The following CFAP61 variants were observed in gnomAD, a reference collection of about 807,000 sequenced individuals.
CFAP61 encodes the protein cilia- and flagella-associated protein 61.
A neutral mutation model predicts 135.6 loss-of-function variants in CFAP61; 107 were observed. That is an observed-to-expected ratio of 0.79 (90% CI 0.67 to 0.93). CFAP61 has a LOEUF of 0.93. CFAP61 is among the 40% of genes least tolerant of loss of function. The pLI is 0.00. For synonymous variants in CFAP61, 575 were observed against 578.5 expected (o/e 0.99, Z 0.09); for missense variants, 1,507 against 1,556.2 (o/e 0.97, Z 0.53).
At chr20:20,159,522 G>T (rs563536624) in intron 10 of CFAP61, 78 bp downstream of exon 10, 64 of 1,266,806 alleles carry the variant, frequency 5.1e-5, no homozygotes, top group Non-Finnish European at 7.3e-5. Flanking sequence ...GAGGATTTGT[G>T]CCCTTTCCTC....
chr20:20,328,233 T>G (rs2057839883), intron 25 of CFAP61, among the ~76,000 whole-genome samples: 1 of 152,086 alleles, frequency 6.6e-6, no homozygotes, highest in African/African-American at 2.4e-5. Flanking sequence ...ACATGCCAAT[T>G]CATGTTTTAA....
At chr20:20,322,675 T>C in intron 25 of CFAP61, 1 of 985,424 alleles carries the variant, frequency 1.0e-6, no homozygotes, top group East Asian at 1.1e-4. Flanking sequence ...GCAGAAACAG[T>C]TACCAAGAAA....
In CFAP61 at chr20:20,075,480, G is replaced by A. The variant is rs878886350; in HGVS notation, c.440-9G>A. The A allele has an allele frequency of 4.3e-6, 7 of 1,613,738 alleles. No individual in the cohort carries two copies. Among genetic ancestry groups the A allele is most frequent in the Non-Finnish European group, 5.9e-6 (7 of 1,179,716 alleles). Reference sequence around the variant, plus strand: ...AATAAGGACATGTTTCTTTATCTCTGTGATTTAGGCTCAACTCTCATAACT... The same window carrying A: ...AATAAGGACATGTTTCTTTATCTCTATGATTTAGGCTCAACTCTCATAACT... On this transcript the variant is annotated splice_polypyrimidine_tract_variant and intron_variant, in intron 5 of 26. Transcript: ENST00000245957.
chr20:20,323,521 G>T (rs2057621387), intron 25 of CFAP61: 1 of 160,946 alleles, frequency 6.2e-6, no homozygotes, highest in Non-Finnish European at 1.3e-5. Flanking sequence ...GACAGAAGTT[G>T]AAGAGTATTG....
chr20:20,333,865 C>T (rs901758701), intron 25 of CFAP61, among the ~76,000 whole-genome samples: 1 of 152,162 alleles, frequency 6.6e-6, no homozygotes, highest in Admixed American at 6.5e-5. Flanking sequence ...TAAAGGAAAA[C>T]TTGTGCTTGC....
intron 18 of CFAP61, among the ~76,000 whole-genome samples, chr20:20,240,589 C>T (rs555126801): frequency 7.3e-5 from 11 of 150,662 alleles, no homozygotes; most frequent in African/African-American, 2.4e-4. Flanking sequence ...TTTTTTTTGC[C>T]TGGATCCTGA....
At chr20:20,053,929 A>G (rs562993166) in intron 1 of CFAP61, among the ~76,000 whole-genome samples, 2 of 150,732 alleles carry the variant, frequency 1.3e-5, no homozygotes, top group Admixed American at 1.3e-4. Context: ...ATGCTAGAAT[A>G]CTTTGCTTCT....
intron 25 of CFAP61, among the ~76,000 whole-genome samples, chr20:20,317,385 C>T (rs572031660): frequency 1.4e-3 from 208 of 152,338 alleles, no homozygotes; most frequent in African/African-American, 4.8e-3. Flanking sequence ...AGGCCCCAAA[C>T]GTCTTCAACC....
In CFAP61 at chr20:20,269,146, TAC is replaced by T. The variant is rs1192884602; in HGVS notation, c.2503+6034_2503+6035del. Among the ~76,000 whole-genome samples the T allele has an allele frequency of 3.5e-4, 30 of 85,614 alleles. 1 individual carries two copies. Among genetic ancestry groups the T allele is most frequent in the Middle Eastern group, 7.7e-3 (1 of 130 alleles). 56.2% of individuals were successfully genotyped at this position (85,614 alleles called of 152,430 possible). A position where few individuals can be genotyped will look rare whatever the true frequency, so the allele number is the denominator to read the frequency against. ...ATATATATATATATATATATATATA[TAC>T]ACACACACACACACACATACATATA... On this transcript the variant is annotated intron_variant, in intron 21 of 26. Transcript: ENST00000245957.
intron 17 of CFAP61, among the ~76,000 whole-genome samples, chr20:20,204,164 G>T (rs955230029): frequency 6.6e-6 from 1 of 152,104 alleles, no homozygotes; most frequent in African/African-American, 2.4e-5. Flanking sequence ...CTCTCTCTCA[G>T]TTATTTTCAG....
chr20:20,254,594 A>C (rs1440604648), intron 20 of CFAP61, among the ~76,000 whole-genome samples: 2 of 152,208 alleles, frequency 1.3e-5, no homozygotes, highest in Non-Finnish European at 2.9e-5. Flanking sequence ...CATAAAATCA[A>C]AGTACATAGA....
intron 25 of CFAP61, among the ~76,000 whole-genome samples, chr20:20,317,622 G>A (rs1371038754): frequency 6.6e-6 from 1 of 152,142 alleles, no homozygotes; most frequent in Non-Finnish European, 1.5e-5. Context: ...CGATGCCCCT[G>A]CAGCTGCTAA....
intron 17 of CFAP61, chr20:20,200,732 G>T (rs747208955): frequency 1.0e-6 from 1 of 985,208 alleles, no homozygotes; most frequent in Non-Finnish European, 1.2e-6. Context: ...CTTACCCAAG[G>T]AGCTGCCCCT....
intron 2 of CFAP61, among the ~76,000 whole-genome samples, chr20:20,064,034 C>T (rs2045036908): frequency 8.2e-6 from 1 of 122,492 alleles, no homozygotes; most frequent in Non-Finnish European, 1.7e-5. Flanking sequence ...ATAGAGTAAC[C>T]GCCCCCCACC....
chr20:20,322,060 A>G (rs2057543150), intron 25 of CFAP61, among the ~76,000 whole-genome samples: 1 of 152,132 alleles, frequency 6.6e-6, no homozygotes, highest in Admixed American at 6.5e-5. Flanking sequence ...CAGGCCATAC[A>G]GGCACTCTAG....
At chr20:20,239,129 G>A (rs923894317) in intron 18 of CFAP61, among the ~76,000 whole-genome samples, 7 of 152,014 alleles carry the variant, frequency 4.6e-5, no homozygotes, top group Non-Finnish European at 1.0e-4. Flanking sequence ...GCTGTACTCC[G>A]TGACCCACTG....
rs143198125 is a variant in CFAP61 at position 20,232,107 on chromosome 20, G to A, written c.2060+3731G>A. On this transcript the variant is annotated intron_variant, in intron 18 of 26. Coordinates refer to ENST00000245957, the MANE Select transcript of CFAP61 (RefSeq NM_015585.4). ...GTTAGCCCACCTCTGCTGCCAAGCA[G>A]TGTTGCAGCCCTGAGGGAGGAACTG... 3.2e-4 allele frequency among the ~76,000 whole-genome samples: 49 copies of A among 152,330 alleles called. 3 individuals are homozygous for A. Among genetic ancestry groups the A allele is most frequent in the African/African-American group, 9.1e-4 (38 of 41,580 alleles).
At position 20,088,153 on chromosome 20, in the gene CFAP61, T is replaced by G. The variant is rs1202104447; in HGVS notation, c.567-2691T>G. The stretch of plus-strand genomic sequence containing the variant: ...TCACTAGAAATTCCTGCTGATGCCC[T>G]TGCATCATGGAATAAGACTGTTTGG... On this transcript the variant is annotated intron_variant, in intron 6 of 26. Coordinates refer to ENST00000245957, the MANE Select transcript of CFAP61 (RefSeq NM_015585.4). 2.0e-5 allele frequency among the ~76,000 whole-genome samples: 3 copies of G among 152,310 alleles called. No homozygotes were observed. In the East Asian group the frequency reaches 5.8e-4, roughly 29 times the overall value.
At chr20:20,085,375 C>T (rs957144847) in intron 6 of CFAP61, 32 of 1,337,826 alleles carry the variant, frequency 2.4e-5, no homozygotes, top group Non-Finnish European at 3.1e-5. Context: ...ATCATTAGCA[C>T]TCGGGCTGAT....
Sources: gnomAD v4.1 joint callset for allele counts (sites outside exome capture counted in the v4.1 genomes callset) on GRCh38, gnomAD v4.1.1 for gene constraint, MANE v1.5 for transcripts, NCBI Gene and HGNC (gene_info 2026-07-23, HGNC 2026-07-21) for gene names.